STX5: variants seen among roughly 807,000 people sequenced by gnomAD.
STX5 encodes syntaxin-5.
In STX5, 15 loss-of-function variants were observed where a neutral mutation model predicts 42.9. The ratio of observed to expected loss-of-function variants is 0.35; its 90% CI spans 0.23 to 0.54. The LOEUF is 0.54. STX5 is among the 20% of genes least tolerant of loss of function. The pLI is 0.91. For missense variants in STX5, 430 were observed against 455.0 expected, an observed-to-expected ratio of 0.95 and a Z score of 0.50; for synonymous variants, 184 against 173.2, an observed-to-expected ratio of 1.06 and a Z score of -0.49.
intron 10 of STX5, among the ~76,000 whole-genome samples, chr11:62,820,868 G>A (rs2084733209): frequency 6.6e-6 from 1 of 151,808 alleles, no homozygotes; most frequent in Admixed American, 6.6e-5. Context: ...TGAATTAATT[G>A]AAATTTTGAT....
intron 10 of STX5, among the ~76,000 whole-genome samples, chr11:62,809,006 G>A (rs910010005): frequency 2.0e-5 from 3 of 151,982 alleles, no homozygotes; most frequent in Non-Finnish European, 4.4e-5. Flanking sequence ...TATCAAATGG[G>A]GGCCGGACAT....
chr11:62,823,152 C>T (rs75358527), intron 10 of STX5, among the ~76,000 whole-genome samples: 12,425 of 151,750 alleles, frequency 0.082, 616 homozygotes, highest in East Asian at 0.15. Flanking sequence ...CCCTACCACA[C>T]AATCTGATAT....
rs575360452 is a variant in STX5, at chr11:62,822,213, A to G, written c.908+1953T>C. ...CTCTGTCTCTACTAAAAATACAAAA[A>G]GTAGCCGGGCATGGCGGTGCACACC... On this transcript the variant is annotated intron_variant, in intron 10 of 10. Coordinates refer to ENST00000294179, the MANE Select transcript of STX5 (RefSeq NM_003164.5). Among the ~76,000 whole-genome samples, 4 of 127,310 alleles carry G rather than the reference A, an allele frequency of 3.1e-5. No individual in the cohort carries two copies. In the South Asian group the frequency reaches 1.1e-3, roughly 34 times the overall value. 83.5% of individuals were successfully genotyped at this position (127,310 alleles called of 152,430 possible).
intron 2 of STX5, among the ~76,000 whole-genome samples, chr11:62,829,712 A>T (rs2084834736): frequency 6.6e-6 from 1 of 151,886 alleles, no homozygotes; most frequent in African/African-American, 2.4e-5. Flanking sequence ...TTGCAGTGAG[A>T]TGAGATAGAA....
At chr11:62,815,567 C>T (rs1052597944) in intron 10 of STX5, among the ~76,000 whole-genome samples, 11 of 150,334 alleles carry the variant, frequency 7.3e-5, no homozygotes, top group Non-Finnish European at 1.2e-4. Context: ...GACAGAGTCT[C>T]GCTCTGTCGC....
At position 62,820,735 on chromosome 11, in the gene STX5, C is replaced by A. The variant is rs530256689; in HGVS notation, c.908+3431G>T. ...CCATGTTAGCCAGGATGGTCTCGAT[C>A]TCCTGACCTCATGATCCGCCTGCCT... is the stretch of plus-strand genomic sequence containing the variant. On this transcript the variant is annotated intron_variant, in intron 10 of 10. Transcript: ENST00000294179. Among the ~76,000 whole-genome samples the A allele has an allele frequency of 1.2e-4, 18 of 151,754 alleles. No homozygotes were observed. The South Asian group carries it at 3.6e-3, about 30-fold the overall frequency.
chr11:62,811,863 G>A (rs1215098395), intron 10 of STX5, among the ~76,000 whole-genome samples: 1 of 151,966 alleles, frequency 6.6e-6, no homozygotes, highest in African/African-American at 2.4e-5. Flanking sequence ...TGAGCTCCAG[G>A]AGGACCAGAA....
chr11:62,817,932 A>G (rs1405418445), intron 10 of STX5, among the ~76,000 whole-genome samples: 2 of 152,150 alleles, frequency 1.3e-5, no homozygotes, highest in African/African-American at 2.4e-5. Context: ...GTTTAAAGTA[A>G]TAATAGCCAA....
chr11:62,810,965 C>T (rs141760812), intron 10 of STX5, among the ~76,000 whole-genome samples: 251 of 152,100 alleles, frequency 1.7e-3, no homozygotes, highest in African/African-American at 5.6e-3. Flanking sequence ...CTGACTCAAA[C>T]ACATCCTTAC....
chr11:62,824,290 T>C lies in STX5; in HGVS notation c.787-3A>G. 6.2e-7 allele frequency: 1 copy of C among 1,614,164 alleles called. No homozygotes were observed. On this transcript the variant is annotated splice_region_variant and splice_polypyrimidine_tract_variant and intron_variant, in intron 9 of 10. Coordinates refer to ENST00000294179, the MANE Select transcript of STX5 (RefSeq NM_003164.5). ...GCCCGACTCTGGATGTAGGAATCCT[T>C]CAGGAGAGGGAGAGAGCACATGAGC...
At chr11:62,824,352 CA>C in intron 9 of STX5, 65 bp from the exon 10 acceptor site, 2 of 1,612,806 alleles carry the variant, frequency 1.2e-6, no homozygotes, top group Admixed American at 3.3e-5. Context: ...TGCATTTTTA[CA>C]ACCCTCCCAG....
At chr11:62,807,730 C>G in intron 10 of STX5, 102 bp from the exon 11 acceptor site, 2 of 1,523,940 alleles carry the variant, frequency 1.3e-6, no homozygotes, top group South Asian at 2.5e-5. Flanking sequence ...ACAATATGAT[C>G]CCATTCTTAT....
chr11:62,814,190 A>G (rs779679469), intron 10 of STX5, among the ~76,000 whole-genome samples: 1 of 152,140 alleles, frequency 6.6e-6, no homozygotes, highest in Non-Finnish European at 1.5e-5. Context: ...CTTGAGATGG[A>G]GTTTCGCTCT....
In STX5 at chr11:62,825,353, AG is replaced by A. The variant is rs2084783225; in HGVS notation, c.541-15del. The A allele has an allele frequency of 1.2e-6, 2 of 1,613,806 alleles. No homozygotes were observed. Among genetic ancestry groups the A allele is most frequent in the East Asian group, 4.5e-5 (2 of 44,888 alleles). Reference sequence around the variant, plus strand: ...AGCCAGTTTCGACTAGAAGAAAAGGAGAGAGGGTCAACCAAAGAAGGCTCCA... The same window carrying A: ...AGCCAGTTTCGACTAGAAGAAAAGGAAGAGGGTCAACCAAAGAAGGCTCCA... On this transcript the variant is annotated splice_polypyrimidine_tract_variant and intron_variant, in intron 6 of 10. Transcript: ENST00000294179.
At chr11:62,815,066 G>A (rs1462541452) in intron 10 of STX5, among the ~76,000 whole-genome samples, 3 of 151,294 alleles carry the variant, frequency 2.0e-5, no homozygotes, top group Non-Finnish European at 4.4e-5. Context: ...GCAGTGCAGT[G>A]GTACGATCTC....
chr11:62,823,762 G>T lies in STX5; in HGVS notation c.908+404C>A, dbSNP rs192365305. Reference sequence around the variant, plus strand: ...GGGTCTTGCTTTGTTGCCCAAACTGGTCTTGAATTCCTGAACTCAAGCGAT... The same window carrying T: ...GGGTCTTGCTTTGTTGCCCAAACTGTTCTTGAATTCCTGAACTCAAGCGAT... On this transcript the variant is annotated intron_variant, in intron 10 of 10. Transcript: ENST00000294179. Among the ~76,000 whole-genome samples, 411 of 152,188 alleles carry T rather than the reference G, an allele frequency of 2.7e-3. 3 individuals carry two copies. Among genetic ancestry groups the T allele is most frequent in the Non-Finnish European group, 1.8e-3 (124 of 67,996 alleles).
Position 62,807,188 on chromosome 11 carries a change from TC to T in STX5, c.*280del. On this transcript the variant is annotated 3_prime_UTR_variant, in exon 11 of 11. Coordinates refer to ENST00000294179, the MANE Select transcript of STX5 (RefSeq NM_003164.5). ...TAAAAATCTCCTAGTGGAAACAACC[TC>T]CCCCACTGGCCCCCAGCTGGCCTCT... The T allele has an allele frequency of 3.5e-6, 1 of 284,680 alleles. No individual in the cohort carries two copies. Among genetic ancestry groups the T allele is most frequent in the African/African-American group, 2.1e-5 (1 of 46,922 alleles). The allele number at this position is 284,680 out of a possible 1,614,324, so 17.6% of individuals were successfully genotyped here.
At chr11:62,824,611 G>T in intron 8 of STX5, 46 bp from the exon 9 acceptor site, 1 of 1,582,764 alleles carries the variant, frequency 6.3e-7, no homozygotes, top group South Asian at 1.1e-5. Context: ...GTTAAAAGCA[G>T]GTTCAAAGCC....
intron 10 of STX5, among the ~76,000 whole-genome samples, chr11:62,819,830 A>G (rs1343933999): frequency 6.6e-6 from 1 of 150,394 alleles, no homozygotes; most frequent in African/African-American, 2.4e-5. Flanking sequence ...AGTAGTTGGG[A>G]TTACAGGCAT....
Sources: gnomAD v4.1 joint callset for allele counts (sites outside exome capture counted in the v4.1 genomes callset) on GRCh38, gnomAD v4.1.1 for gene constraint, MANE v1.5 for transcripts, NCBI Gene and HGNC (gene_info 2026-07-23, HGNC 2026-07-21) for gene names.